The following MYO3A variants were observed in gnomAD, a reference collection of about 807,000 sequenced individuals.
MYO3A encodes the protein myosin IIIA.
A neutral mutation model predicts 192.7 loss-of-function variants in MYO3A; 180 were observed. The ratio of observed to expected loss-of-function variants is 0.93; its 90% CI spans 0.83 to 1.06. The LOEUF (loss-of-function observed/expected upper bound fraction) is 1.06, where lower values mean the gene tolerates loss of function less well. MYO3A is among the 50% of genes least tolerant of loss of function. MYO3A has a pLI of 0.00. For missense variants in MYO3A, 1,896 were observed against 1,905.0 expected, an observed-to-expected ratio of 1.00 and a Z score of 0.09; for synonymous variants, 628 against 645.3, an observed-to-expected ratio of 0.97 and a Z score of 0.41.
At chr10:25,943,481 A>G (rs1836635027) in intron 2 of MYO3A, among the ~76,000 whole-genome samples, 1 of 152,112 alleles carries the variant, frequency 6.6e-6, no homozygotes, top group Non-Finnish European at 1.5e-5. Context: ...ATTGACATTT[A>G]ACCAATATTA....
At chr10:26,137,565 A>G (rs914478995) in intron 20 of MYO3A, among the ~76,000 whole-genome samples, 1 of 152,210 alleles carries the variant, frequency 6.6e-6, no homozygotes, top group Non-Finnish European at 1.5e-5. Flanking sequence ...GAACAGAATA[A>G]CAGCGATTTT....
chr10:25,951,756 A>G (rs1034088231), intron 2 of MYO3A, among the ~76,000 whole-genome samples: 11 of 152,190 alleles, frequency 7.2e-5, no homozygotes, highest in Admixed American at 2.0e-4. Flanking sequence ...GGTTCATTCT[A>G]AAATTATTTG....
At position 26,168,785 on chromosome 10, in the gene MYO3A, T is replaced by C; in HGVS notation, c.3185T>C (p.Ile1062Thr). The C allele has an allele frequency of 1.9e-6, 3 of 1,613,108 alleles. No homozygotes were observed. The highest frequency in any genetic ancestry group is 2.5e-6 in the Non-Finnish European group (3 of 1,179,506). The change falls in exon 28 of 35, where the codon ATT becomes ACT. Residue 1062 changes from isoleucine to threonine, a missense_variant. By Grantham distance (89) the Ile-to-Thr change is moderately conservative (BLOSUM62 -1). Coordinates refer to ENST00000642920, the MANE Select transcript of MYO3A (RefSeq NM_017433.5). ...GAAGCTATTGACAAGCTTATTTTGA[T>C]TCAAGCTTGTGTCAGAGCATTCTTG... ...RKEAIDKLIL[I>T]QACVRAFLCS...
At chr10:26,095,101 C>T (rs1836935641) in intron 15 of MYO3A, among the ~76,000 whole-genome samples, 1 of 152,122 alleles carries the variant, frequency 6.6e-6, no homozygotes, top group South Asian at 2.1e-4. Context: ...GGACCCAGAG[C>T]ACAGTTCAGG....
intron 14 of MYO3A, among the ~76,000 whole-genome samples, chr10:26,078,788 A>G (rs1440709736): frequency 1.3e-5 from 2 of 152,148 alleles, no homozygotes; most frequent in African/African-American, 4.8e-5. Flanking sequence ...GGAGCAGGTT[A>G]TTTGATTTCC....
At chr10:25,952,637 C>T (rs938139221) in intron 3 of MYO3A, among the ~76,000 whole-genome samples, 4 of 152,066 alleles carry the variant, frequency 2.6e-5, no homozygotes, top group Non-Finnish European at 4.4e-5. Flanking sequence ...ATCTTCTTTT[C>T]GTCCTGTGTT....
chr10:26,174,246 C>CA lies in MYO3A; in HGVS notation c.3983dup (p.His1328GlnfsTer2), dbSNP rs749027764. ...GGAGGAAGGCAGAGGCCGTCTGAGG[C>CA]ATGAGACAGTCAAAGAGAGGCAAGT... On this transcript the variant is annotated frameshift_variant, in exon 30 of 35. Transcript: ENST00000642920. LOFTEE classifies it high-confidence loss of function. 2 of 1,614,132 alleles carry CA rather than the reference C, an allele frequency of 1.2e-6. No individual in the cohort carries two copies. Among genetic ancestry groups the CA allele is most frequent in the Admixed American group, 3.3e-5 (2 of 60,004 alleles).
At chr10:26,138,682 G>T (rs916638892) in intron 20 of MYO3A, among the ~76,000 whole-genome samples, 1 of 152,202 alleles carries the variant, frequency 6.6e-6, no homozygotes, top group African/African-American at 2.4e-5. Context: ...AGCAGTGTGA[G>T]CAAGCTGACA....
intron 34 of MYO3A, among the ~76,000 whole-genome samples, chr10:26,208,354 C>G (rs1375937555): frequency 6.6e-6 from 1 of 151,812 alleles, no homozygotes; most frequent in East Asian, 1.9e-4. Context: ...AAAGAAGCAT[C>G]AACAAAAAAA....
At chr10:26,135,219 TAGTAA>T (rs1279302551) in intron 20 of MYO3A, among the ~76,000 whole-genome samples, 1 of 152,156 alleles carries the variant, frequency 6.6e-6, no homozygotes, top group African/African-American at 2.4e-5. Flanking sequence ...AACAGGGATC[TAGTAA>T]AGTAATCTCC....
intron 2 of MYO3A, among the ~76,000 whole-genome samples, chr10:25,948,919 T>C (rs564342926): frequency 3.2e-4 from 48 of 152,264 alleles, no homozygotes; most frequent in African/African-American, 1.2e-3. Flanking sequence ...AATAATGTTT[T>C]ACACTATATT....
At chr10:25,976,306 A>C (rs1336977065) in intron 4 of MYO3A, among the ~76,000 whole-genome samples, 3 of 152,220 alleles carry the variant, frequency 2.0e-5, no homozygotes, top group Non-Finnish European at 4.4e-5. Flanking sequence ...CACTTTTATA[A>C]TGAGCAAAGT....
chr10:26,181,477 A>C (rs1842614101), intron 31 of MYO3A, among the ~76,000 whole-genome samples: 1 of 152,206 alleles, frequency 6.6e-6, no homozygotes, highest in East Asian at 1.9e-4. Context: ...TAAACTGTTT[A>C]GCGTAGAAAG....
chr10:26,133,430 C>T (rs1009406090), intron 20 of MYO3A, among the ~76,000 whole-genome samples: 2 of 152,192 alleles, frequency 1.3e-5, no homozygotes, highest in African/African-American at 2.4e-5. Context: ...CCTCTGGCTT[C>T]GCAGACGGCC....
In MYO3A at chr10:26,016,879, T is replaced by C. The variant is rs727504671; in HGVS notation, c.568T>C (p.Phe190Leu). 1.9e-5 allele frequency: 31 copies of C among 1,613,982 alleles called. No homozygotes were observed. The highest frequency in any genetic ancestry group is 2.5e-5 in the Non-Finnish European group (30 of 1,179,994). The stretch of plus-strand genomic sequence containing the variant: ...TCGGAACACATCCGTAGGAACACCG[T>C]TTTGGATGGCTCCTGAGGTCAGATA... ...HRRNTSVGTP[F>L]WMAPEVIACE... Residue 190 changes from phenylalanine to leucine, a missense_variant, in exon 7 of 35, where the codon TTT becomes CTT. By Grantham distance (22) the Phe-to-Leu change is conservative. Coordinates refer to ENST00000642920, the MANE Select transcript of MYO3A (RefSeq NM_017433.5).
intron 34 of MYO3A, among the ~76,000 whole-genome samples, chr10:26,203,755 G>A (rs372907474): frequency 9.9e-4 from 150 of 152,278 alleles, no homozygotes; most frequent in African/African-American, 3.5e-3. Context: ...ACAAAAAGCT[G>A]TTCATCCAAA....
chr10:26,059,164 A>G (rs1030109067), intron 10 of MYO3A, among the ~76,000 whole-genome samples: 11 of 151,608 alleles, frequency 7.3e-5, no homozygotes, highest in African/African-American at 2.7e-4. Flanking sequence ...CTTCTCTATC[A>G]GTATACCTTT....
At chr10:26,085,576 T>C (rs916340497) in intron 14 of MYO3A, among the ~76,000 whole-genome samples, 11 of 152,190 alleles carry the variant, frequency 7.2e-5, no homozygotes, top group South Asian at 2.1e-4. Context: ...TGCTCCTGCT[T>C]AGGTGTGCCA....
chr10:25,958,752 A>G (rs1265021606), intron 4 of MYO3A, among the ~76,000 whole-genome samples: 1 of 151,808 alleles, frequency 6.6e-6, no homozygotes, highest in Non-Finnish European at 1.5e-5. Flanking sequence ...TTTGTTTGTC[A>G]TATGATTTCT....
Sources: allele counts gnomAD v4.1 joint callset (sites outside exome capture counted in the v4.1 genomes callset), GRCh38; gene constraint gnomAD v4.1.1; transcripts MANE v1.5; gene names NCBI Gene and HGNC (gene_info 2026-07-23, HGNC 2026-07-21).